The following THSD4 variants were observed in gnomAD, a reference collection of about 807,000 sequenced individuals.
THSD4 encodes thrombospondin type-1 domain-containing protein 4.
A neutral mutation model predicts 119.0 loss-of-function variants in THSD4; 69 were observed. The observed-to-expected ratio is 0.58, with a 90% CI of 0.48 to 0.71. The LOEUF (loss-of-function observed/expected upper bound fraction) is 0.71. Ranked by LOEUF, THSD4 falls within the 30% of genes least tolerant of loss-of-function variation. The pLI, the probability that THSD4 is intolerant of heterozygous loss-of-function variation, is 0.00. For synonymous variants in THSD4, 524 were observed against 540.4 expected (o/e 0.97, Z 0.42); for missense variants, 1,393 against 1,391.1 (o/e 1.00, Z -0.02).
chr15:71,114,855 A>AC (rs2040341197), upstream of THSD4: 1 of 152,152 alleles, frequency 6.6e-6, no homozygotes, highest in Non-Finnish European at 1.5e-5. Context: ...ATGCTGTCTA[A>AC]CCCCCGTTGG....
In THSD4 at chr15:71,778,015, T is replaced by C. The variant is rs750847153; in HGVS notation, c.*641T>C. On this transcript the variant is annotated 3_prime_UTR_variant, in exon 18 of 18. Transcript: ENST00000261862. ...CCCAGAATGGGAGGCAGGGGGTGAC[T>C]CATTATCCCCATTTTACTGACAGGG... 8 of 152,520 alleles carry C rather than the reference T, an allele frequency of 5.2e-5. No homozygotes were observed. The highest frequency in any genetic ancestry group is 3.3e-4 in the Admixed American group (5 of 15,336). 9.4% of individuals were successfully genotyped at this position (152,520 alleles called of 1,614,324 possible).
At chr15:71,181,190 G>A (rs898758388) in intron 3 of THSD4, among the ~76,000 whole-genome samples, 15 of 152,098 alleles carry the variant, frequency 9.9e-5, no homozygotes, top group African/African-American at 2.9e-4. Context: ...CAAGCCTTCC[G>A]TTTCTAATGG....
intron 4 of THSD4, among the ~76,000 whole-genome samples, chr15:71,217,239 A>G (rs896894037): frequency 6.6e-6 from 1 of 152,182 alleles, no homozygotes; most frequent in South Asian, 2.1e-4. Flanking sequence ...AATCAAACAC[A>G]TTATTATTTC....
intron 7 of THSD4, among the ~76,000 whole-genome samples, chr15:71,476,917 T>C (rs1200433694): frequency 1.3e-5 from 2 of 152,170 alleles, no homozygotes; most frequent in Non-Finnish European, 2.9e-5. Flanking sequence ...GACATAGGTT[T>C]CCAATCCTTT....
chr15:71,779,177 T>C lies in THSD4; in HGVS notation c.*1803T>C, dbSNP rs1014722357. 2.0e-5 allele frequency: 3 copies of C among 152,212 alleles called. No homozygotes were observed. The highest frequency in any genetic ancestry group is 7.2e-5 in the African/African-American group (3 of 41,434). The allele number at this position is 152,212 out of a possible 1,614,324, so 9.4% of individuals were successfully genotyped here. On this transcript the variant is annotated 3_prime_UTR_variant, in exon 18 of 18. Transcript: ENST00000261862. ...GTGGGTAGCTTTCCAGCTTCTCTTC[T>C]AGGGAGCCCCAGGCATCATTTCCCA...
chr15:71,503,460 C>T (rs988232416), intron 7 of THSD4, among the ~76,000 whole-genome samples: 13 of 152,206 alleles, frequency 8.5e-5, no homozygotes, highest in African/African-American at 3.1e-4. Flanking sequence ...CCCAAAGCCT[C>T]ATGACCTCAC....
intron 6 of THSD4, among the ~76,000 whole-genome samples, chr15:71,278,037 C>G (rs2044611795): frequency 6.6e-6 from 1 of 152,192 alleles, no homozygotes; most frequent in Non-Finnish European, 1.5e-5. Flanking sequence ...ACTACTGCCT[C>G]CCGCCAGCAC....
chr15:71,717,985 CAA>C (rs897740337), intron 8 of THSD4, among the ~76,000 whole-genome samples: 1 of 151,880 alleles, frequency 6.6e-6, no homozygotes, highest in Non-Finnish European at 1.5e-5. Flanking sequence ...CCTTTCTCTA[CAA>C]AAAAATTAAA....
chr15:71,231,163 G>A (rs756478631), intron 4 of THSD4, among the ~76,000 whole-genome samples: 1 of 152,188 alleles, frequency 6.6e-6, no homozygotes, highest in Non-Finnish European at 1.5e-5. Context: ...TTGTTCTTAG[G>A]GAAACTTGGC....
chr15:71,618,815 C>T (rs1036161712), intron 7 of THSD4, among the ~76,000 whole-genome samples: 83 of 151,840 alleles, frequency 5.5e-4, no homozygotes, highest in African/African-American at 1.8e-3. Context: ...TGGACCTAAG[C>T]GATCCGCCTG....
intron 17 of THSD4, among the ~76,000 whole-genome samples, chr15:71,772,389 A>G (rs1167501871): frequency 3.3e-5 from 5 of 152,220 alleles, no homozygotes; most frequent in African/African-American, 1.2e-4. Context: ...CATAAATTCC[A>G]TAAGAAGAAA....
At chr15:71,607,357 C>T (rs923031951) in intron 7 of THSD4, among the ~76,000 whole-genome samples, 4 of 152,180 alleles carry the variant, frequency 2.6e-5, no homozygotes, top group African/African-American at 9.7e-5. Context: ...GACAAGGAGC[C>T]TGAGAGGTGA....
At chr15:71,690,792 G>T (rs2052032109) in intron 8 of THSD4, among the ~76,000 whole-genome samples, 1 of 152,178 alleles carries the variant, frequency 6.6e-6, no homozygotes, top group Admixed American at 6.5e-5. Context: ...ATCAGATCTT[G>T]TGAGACTTAT....
At chr15:71,526,496 T>A (rs2048521233) in intron 7 of THSD4, among the ~76,000 whole-genome samples, 1 of 152,212 alleles carries the variant, frequency 6.6e-6, no homozygotes. Context: ...ATTCTTTTTT[T>A]AAGTTGTGTT....
rs1406708716 is a variant in THSD4, at chr15:71,718,683, C to T, written c.1358-9866C>T. Among the ~76,000 whole-genome samples, 6 of 152,274 alleles carry T rather than the reference C, an allele frequency of 3.9e-5. No homozygotes were observed. The South Asian group carries it at 1.0e-3, about 26-fold the overall frequency. On this transcript the variant is annotated intron_variant, in intron 8 of 17. Transcript: ENST00000261862. Reference sequence around the variant, plus strand: ...CCATCTATGCACGCTCCCAGCGCCCCACAACTTCCCTTCTCCATCCTTCTA... The same window carrying T: ...CCATCTATGCACGCTCCCAGCGCCCTACAACTTCCCTTCTCCATCCTTCTA...
At chr15:71,491,252 G>C (rs935264204) in intron 7 of THSD4, among the ~76,000 whole-genome samples, 2 of 152,196 alleles carry the variant, frequency 1.3e-5, no homozygotes, top group African/African-American at 4.8e-5. Context: ...AGTTAAAGAA[G>C]GGTATCTGCT....
intron 6 of THSD4, among the ~76,000 whole-genome samples, chr15:71,303,856 T>G (rs146434144): frequency 6.6e-6 from 1 of 152,130 alleles, no homozygotes; most frequent in East Asian, 1.9e-4. Flanking sequence ...TCCAGACCCC[T>G]CCCAGGAGTT....
intron 14 of THSD4, among the ~76,000 whole-genome samples, chr15:71,749,995 C>G (rs369941621): frequency 6.6e-6 from 1 of 152,166 alleles, no homozygotes; most frequent in African/African-American, 2.4e-5. Context: ...TCCCGAAGCC[C>G]TGGAATTGTA....
chr15:71,465,170 AT>A (rs2047482672), intron 7 of THSD4, among the ~76,000 whole-genome samples: 1 of 152,162 alleles, frequency 6.6e-6, no homozygotes, highest in South Asian at 2.1e-4. Flanking sequence ...TCATTTTTAA[AT>A]GTATTAATCT....
Sources: gnomAD v4.1 joint callset for allele counts (sites outside exome capture counted in the v4.1 genomes callset) on GRCh38, gnomAD v4.1.1 for gene constraint, MANE v1.5 for transcripts, NCBI Gene and HGNC (gene_info 2026-07-23, HGNC 2026-07-21) for gene names.